The following PPP4R1 variants were observed in gnomAD, a reference collection of about 807,000 sequenced individuals.
PPP4R1 encodes protein phosphatase 4 regulatory subunit 1, also known as serine/threonine-protein phosphatase 4 regulatory subunit 1.
PPP4R1 carries 42 observed loss-of-function variants against 111.2 expected under a neutral mutation model. The observed-to-expected ratio is 0.38, with a 90% CI of 0.29 to 0.49. The LOEUF (loss-of-function observed/expected upper bound fraction) is 0.49. Ranked by LOEUF, PPP4R1 falls within the 20% of genes least tolerant of loss-of-function variation. The probability of loss-of-function intolerance (pLI) is 0.97; values close to 1 mark genes in which losing one functional copy is unlikely to be tolerated. For synonymous variants in PPP4R1, 409 were observed against 405.5 expected (o/e 1.01, Z -0.10); for missense variants, 1,012 against 1,161.6 (o/e 0.87, Z 1.87).
chr18:9,555,331 A>C (rs995063622), intron 15 of PPP4R1, among the ~76,000 whole-genome samples: 12 of 152,272 alleles, frequency 7.9e-5, no homozygotes, highest in Admixed American at 5.2e-4. Flanking sequence ...ATTAAAAAAA[A>C]ACAGAAAGAA....
chr18:9,578,716 A>T (rs2066978260), intron 9 of PPP4R1, among the ~76,000 whole-genome samples: 1 of 152,210 alleles, frequency 6.6e-6, no homozygotes, highest in Admixed American at 6.5e-5. Context: ...TTGATTTTTT[A>T]AAAAGGCTAG....
At chr18:9,565,064 T>A (rs537537010) in intron 11 of PPP4R1, among the ~76,000 whole-genome samples, 7 of 152,250 alleles carry the variant, frequency 4.6e-5, no homozygotes, top group African/African-American at 1.7e-4. Context: ...ATTTAGCAAG[T>A]CTATTGGTGC....
At chr18:9,597,636 A>G (rs1181589028) in intron 2 of PPP4R1, among the ~76,000 whole-genome samples, 1 of 152,274 alleles carries the variant, frequency 6.6e-6, no homozygotes, top group Non-Finnish European at 1.5e-5. Flanking sequence ...AAAACGCCTA[A>G]GAAGTGGCAA....
chr18:9,561,256 A>AATAATG (rs1305880213), intron 13 of PPP4R1, among the ~76,000 whole-genome samples: 1 of 145,370 alleles, frequency 6.9e-6, no homozygotes. Context: ...TAATAATAAT[A>AATAATG]ATAATAAAGT....
chr18:9,583,390 A>T (rs1648746662), intron 8 of PPP4R1, 115 bp from the exon 9 acceptor site: 15 of 1,100,646 alleles, frequency 1.4e-5, no homozygotes, highest in Non-Finnish European at 1.7e-5. Context: ...GTTTTGAGAC[A>T]GAGTCTCACT....
chr18:9,558,021 C>G lies in PPP4R1; in HGVS notation c.2029-639G>C, dbSNP rs557638210. On this transcript the variant is annotated intron_variant, in intron 14 of 19. Transcript: ENST00000400556. ...ATATAAGACTAGGGAAATCAGCATA[C>G]AGCCTTGGAAAAGAAACCCTCAACA... is the stretch of plus-strand genomic sequence containing the variant. 5.9e-5 allele frequency among the ~76,000 whole-genome samples: 9 copies of G among 152,264 alleles called. No individual in the cohort carries two copies. The South Asian group carries it at 1.0e-3, about 18-fold the overall frequency.
chr18:9,610,710 C>T (rs1357539548), intron 2 of PPP4R1, among the ~76,000 whole-genome samples: 1 of 152,130 alleles, frequency 6.6e-6, no homozygotes, highest in Non-Finnish European at 1.5e-5. Flanking sequence ...CCGCCCACCT[C>T]GGCCTCCCAA....
At chr18:9,565,675 C>T (rs557575203) in intron 11 of PPP4R1, among the ~76,000 whole-genome samples, 1 of 152,362 alleles carries the variant, frequency 6.6e-6, no homozygotes, top group South Asian at 2.1e-4. Flanking sequence ...AAGCCGAAGT[C>T]TAACTCAGAG....
intron 9 of PPP4R1, among the ~76,000 whole-genome samples, chr18:9,579,455 C>T (rs1334484014): frequency 6.6e-6 from 1 of 151,936 alleles, no homozygotes; most frequent in African/African-American, 2.4e-5. Context: ...AATGGCTTAA[C>T]ATTGTTCGGA....
At chr18:9,552,269 C>T (rs1045501514) in intron 16 of PPP4R1, among the ~76,000 whole-genome samples, 4 of 152,152 alleles carry the variant, frequency 2.6e-5, no homozygotes, top group African/African-American at 9.7e-5. Flanking sequence ...AAAATATACA[C>T]AAATGGTTGA....
intron 18 of PPP4R1, 74 bp downstream of exon 18, chr18:9,549,978 A>G: frequency 1.9e-6 from 3 of 1,589,394 alleles, no homozygotes; most frequent in Non-Finnish European, 2.6e-6. Flanking sequence ...AGGGTGAGAG[A>G]GAGGTAGGAA....
intron 2 of PPP4R1, among the ~76,000 whole-genome samples, chr18:9,601,691 C>T (rs2067385924): frequency 6.6e-6 from 1 of 152,108 alleles, no homozygotes; most frequent in Admixed American, 6.5e-5. Context: ...CGGGGTTTCA[C>T]CATGTTGCCC....
chr18:9,574,184 A>T (rs1237650923), intron 10 of PPP4R1, among the ~76,000 whole-genome samples: 2 of 152,144 alleles, frequency 1.3e-5, no homozygotes, highest in African/African-American at 4.8e-5. Context: ...CTCCTAAGAG[A>T]CGTAGGTATC....
intron 9 of PPP4R1, among the ~76,000 whole-genome samples, chr18:9,579,411 G>A (rs530887835): frequency 1.3e-5 from 2 of 152,232 alleles, no homozygotes; most frequent in Admixed American, 1.3e-4. Context: ...TAACTTTTGA[G>A]AAGGGACAAT....
At chr18:9,598,133 A>G (rs1408140416) in intron 2 of PPP4R1, among the ~76,000 whole-genome samples, 1 of 152,198 alleles carries the variant, frequency 6.6e-6, no homozygotes, top group African/African-American at 2.4e-5. Context: ...ATCCTAAATG[A>G]AACAGAAAAA....
At chr18:9,612,276 G>A (rs1161763590) in intron 2 of PPP4R1, among the ~76,000 whole-genome samples, 3 of 152,188 alleles carry the variant, frequency 2.0e-5, no homozygotes, top group Non-Finnish European at 4.4e-5. Context: ...ACAAAACTGA[G>A]GCATAGGGAG....
At chr18:9,564,872 T>C (rs2066741131) in intron 11 of PPP4R1, among the ~76,000 whole-genome samples, 1 of 151,946 alleles carries the variant, frequency 6.6e-6, no homozygotes, top group Non-Finnish European at 1.5e-5. Context: ...TTTGCCCAAG[T>C]TGGAGTTACT....
intron 2 of PPP4R1, among the ~76,000 whole-genome samples, chr18:9,604,342 T>TGCC (rs370084037): frequency 1.9e-4 from 29 of 152,288 alleles, no homozygotes; most frequent in African/African-American, 7.0e-4. Flanking sequence ...GTTCAATAGA[T>TGCC]GCCCTTGCAC....
At chr18:9,613,521 C>G (rs749296561) in intron 2 of PPP4R1, 4 of 152,162 alleles carry the variant, frequency 2.6e-5, no homozygotes, top group Admixed American at 2.6e-4. Context: ...TTAAAAACTT[C>G]AGTACCTCAA....
Sources: allele counts gnomAD v4.1 joint callset (sites outside exome capture counted in the v4.1 genomes callset), GRCh38; gene constraint gnomAD v4.1.1; transcripts MANE v1.5; gene names NCBI Gene and HGNC (gene_info 2026-07-23, HGNC 2026-07-21).